The following TOP2A variants were observed in gnomAD, a reference collection of about 807,000 sequenced individuals.
TOP2A encodes the protein DNA topoisomerase 2-alpha.
Under a neutral mutation model 187.2 loss-of-function variants are expected in TOP2A, and 68 were observed. The ratio of observed to expected loss-of-function variants is 0.36; its 90% confidence interval spans 0.30 to 0.44. The LOEUF (loss-of-function observed/expected upper bound fraction) is 0.44. TOP2A is among the 20% of genes least tolerant of loss of function. The pLI is 1.00. For synonymous variants in TOP2A, 542 were observed against 593.2 expected (o/e 0.91, Z 1.25); for missense variants, 1,196 against 1,808.7 (o/e 0.66, Z 6.14).
intron 10 of TOP2A, 115 bp downstream of exon 10, chr17:40,410,994 T>C (rs1027262477): frequency 2.6e-5 from 28 of 1,084,208 alleles, no homozygotes; most frequent in Non-Finnish European, 3.3e-5. Context: ...CCTTTTCAGA[T>C]TGGGAAGACT....
At chr17:40,416,144 GA>G in intron 3 of TOP2A, 76 bp from the exon 4 acceptor site, 15 of 1,214,366 alleles carry the variant, frequency 1.2e-5, no homozygotes, top group Admixed American at 2.1e-5. Flanking sequence ...GTAAGATATA[GA>G]AAAAAAAGTT....
At chr17:40,409,486 C>T (rs543618627) in intron 10 of TOP2A, 1 of 448,748 alleles carries the variant, frequency 2.2e-6, no homozygotes, top group African/African-American at 2.0e-5. Context: ...TAGCTGGGTG[C>T]AGTGGCTTAC....
chr17:40,409,939 T>G (rs1480750594), intron 10 of TOP2A: 2 of 177,990 alleles, frequency 1.1e-5, no homozygotes, highest in Admixed American at 1.2e-4. Context: ...AACAAAAAAA[T>G]TAGCCAGGCA....
In TOP2A at chr17:40,397,701, G is replaced by C. The variant is rs185566694; in HGVS notation, c.3537+857C>G. Among the ~76,000 whole-genome samples, 10 of 151,586 alleles carry C rather than the reference G, an allele frequency of 6.6e-5. No homozygotes were observed. In the East Asian group the frequency reaches 1.9e-3, roughly 29 times the overall value. On this transcript the variant is annotated intron_variant, in intron 27 of 34. Transcript: ENST00000423485. Reference sequence around the variant, plus strand: ...TTCCCTTTATCAAAAATCAACTCCTGCTCTTTTCTTTTTTTGTCCAGAAAT... The same window carrying C: ...TTCCCTTTATCAAAAATCAACTCCTCCTCTTTTCTTTTTTTGTCCAGAAAT...
intron 20 of TOP2A, among the ~76,000 whole-genome samples, chr17:40,401,595 G>A (rs1483884611): frequency 6.6e-6 from 1 of 152,006 alleles, no homozygotes; most frequent in Non-Finnish European, 1.5e-5. Context: ...TGTAATCCCA[G>A]CAACACGGGA....
At chr17:40,393,818 G>A in intron 29 of TOP2A, among the ~76,000 whole-genome samples, 1 of 152,108 alleles carries the variant, frequency 6.6e-6, no homozygotes, top group East Asian at 1.9e-4. Flanking sequence ...CAAAATGGGA[G>A]GCCGAGGTGG....
chr17:40,400,888 T>C lies in TOP2A; in HGVS notation c.2626A>G (p.Ile876Val), dbSNP rs768183915. The change falls in exon 21 of 35, where the codon ATC becomes GTC. Residue 876 changes from isoleucine to valine, a missense_variant. Around this residue, in one of 10 missense-constraint regions of TOP2A, gnomAD observed 232 missense variants for 306.1 expected, o/e 0.76. Transcript: ENST00000423485. Reference sequence around the variant, plus strand: ...TCTTCTCCATCCATCAAACGCCTGATGTTATTTACAATTTCACGCACATCA... The same window carrying C: ...TCTTCTCCATCCATCAAACGCCTGACGTTATTTACAATTTCACGCACATCA... ...NFDVREIVNN[I>V]RRLMDGEEPL... 1 of 1,614,030 alleles carries C rather than the reference T, an allele frequency of 6.2e-7. No individual in the cohort carries two copies. The highest frequency in any genetic ancestry group is 8.5e-7 in the Non-Finnish European group (1 of 1,179,886).
At chr17:40,409,941 A>T (rs1412520401) in intron 10 of TOP2A, 2 of 179,554 alleles carry the variant, frequency 1.1e-5, no homozygotes, top group African/African-American at 4.8e-5. Context: ...CAAAAAAATT[A>T]GCCAGGCATG....
intron 33 of TOP2A, 93 bp from the exon 34 acceptor site, chr17:40,390,257 C>T (rs1189030098): frequency 1.5e-5 from 18 of 1,165,184 alleles, no homozygotes; most frequent in African/African-American, 3.1e-5. Flanking sequence ...GGTGTTATCT[C>T]GGCTCACTGC....
chr17:40,414,372 A>T (rs2035364353), intron 4 of TOP2A, among the ~76,000 whole-genome samples: 1 of 151,972 alleles, frequency 6.6e-6, no homozygotes, highest in African/African-American at 2.4e-5. Context: ...TAATTTTTAA[A>T]TTTTTTGTAG....
At chr17:40,417,739 G>T (rs1567792629) in intron 1 of TOP2A, 32 bp downstream of exon 1, 1 of 1,611,914 alleles carries the variant, frequency 6.2e-7, no homozygotes, top group Non-Finnish European at 8.5e-7. Context: ...CCGCGCGGAG[G>T]CTCCACCGCC....
chr17:40,413,610 A>G lies in TOP2A; in HGVS notation c.348T>C (p.Ile116=). The G allele has an allele frequency of 7.2e-7, 1 of 1,383,070 alleles. No homozygotes were observed. Among genetic ancestry groups the G allele is most frequent in the Non-Finnish European group, 9.8e-7 (1 of 1,023,992 alleles). The allele number at this position is 1,383,070 out of a possible 1,614,324, so 85.7% of individuals were successfully genotyped here. ...TACCTTTTCCATTATTCCATATACT[A>G]ATTAAATTGTTTTCCCTAAGAAAAA... The part of the protein sequence containing the change: ...RVTIDPENNL[I]SIWNNGKGIP... Residue 116 remains isoleucine, a synonymous_variant, in exon 5 of 35, where the codon ATT becomes ATC. Coordinates refer to ENST00000423485, the MANE Select transcript of TOP2A (RefSeq NM_001067.4).
chr17:40,395,934 G>C (rs1224513159), intron 28 of TOP2A, among the ~76,000 whole-genome samples: 3 of 151,630 alleles, frequency 2.0e-5, no homozygotes, highest in African/African-American at 7.3e-5. Context: ...TCAATTTTAA[G>C]TGGACATATG....
Position 40,402,887 on chromosome 17 carries a change from A to G in TOP2A, c.2432+19T>C. ...AAAACTGGAAATGGCAAGTCACTAGAAAGTGAAAGCATACCTACCTGAGCA... is the reference window on the plus strand; with the variant it reads ...AAAACTGGAAATGGCAAGTCACTAGGAAGTGAAAGCATACCTACCTGAGCA... On this transcript the variant is annotated intron_variant, in intron 20 of 34. Coordinates refer to ENST00000423485, the MANE Select transcript of TOP2A (RefSeq NM_001067.4). 3.2e-6 allele frequency: 5 copies of G among 1,569,218 alleles called. No homozygotes were observed. Among genetic ancestry groups the G allele is most frequent in the Non-Finnish European group, 4.3e-6 (5 of 1,154,732 alleles).
At chr17:40,392,882 T>C (rs1018041687) in intron 29 of TOP2A, 145 bp from the exon 30 acceptor site, 7 of 737,992 alleles carry the variant, frequency 9.5e-6, no homozygotes, top group Non-Finnish European at 1.5e-5. Flanking sequence ...TCTCTGTTTT[T>C]GTGGTGCATA....
At chr17:40,396,142 C>T in intron 28 of TOP2A, 141 bp downstream of exon 28, 1 of 514,530 alleles carries the variant, frequency 1.9e-6, no homozygotes, top group South Asian at 2.9e-5. Context: ...ACCATGCCCG[C>T]CTAATTTTTT....
At position 40,392,050 on chromosome 17, in the gene TOP2A, T is replaced by G. The variant is rs200498852; in HGVS notation, c.4132+18A>C. The G allele has an allele frequency of 2.5e-6, 4 of 1,610,238 alleles. No individual in the cohort carries two copies. In the East Asian group the frequency reaches 6.7e-5, roughly 27 times the overall value. Reference sequence around the variant, plus strand: ...CCCAGTAAGGCAGATGTCTCACTACTTTTACTTAAATACATACCTGACACG... The same window carrying G: ...CCCAGTAAGGCAGATGTCTCACTACGTTTACTTAAATACATACCTGACACG... On this transcript the variant is annotated intron_variant, in intron 32 of 34. Coordinates refer to ENST00000423485, the MANE Select transcript of TOP2A (RefSeq NM_001067.4).
At chr17:40,404,614 G>C in intron 17 of TOP2A, 123 bp from the exon 18 acceptor site, 2 of 705,640 alleles carry the variant, frequency 2.8e-6, no homozygotes, top group Non-Finnish European at 4.7e-6. Context: ...AAAAAATATT[G>C]AATAATACAG....
chr17:40,413,066 T>C (rs888678285), intron 6 of TOP2A, 95 bp from the exon 7 acceptor site: 2 of 1,269,696 alleles, frequency 1.6e-6, no homozygotes, highest in African/African-American at 3.0e-5. Flanking sequence ...TAACCTAATA[T>C]ATATGCTTAT....
Sources: allele counts gnomAD v4.1 joint callset (sites outside exome capture counted in the v4.1 genomes callset), GRCh38; gene constraint gnomAD v4.1.1; regional missense constraint gnomAD v4.1.1; transcripts MANE v1.5; gene names NCBI Gene and HGNC (gene_info 2026-07-23, HGNC 2026-07-21).